Variants in NELL2 observed in about 807,000 individuals in gnomAD.
The protein encoded by NELL2 is neural EGFL like 2.
A neutral mutation model predicts 109.6 loss-of-function variants in NELL2; 41 were observed. That is an observed-to-expected ratio of 0.37 (90% CI 0.29 to 0.49). The LOEUF is 0.49. Among genes scored for constraint, NELL2 ranks in the 20% least tolerant of loss-of-function variants. NELL2 has a pLI of 0.98. For missense variants in NELL2, 900 were observed against 1,008.3 expected (o/e 0.89, Z 1.45); for synonymous variants, 355 against 344.7 (o/e 1.03, Z -0.33).
chr12:44,897,388 A>C (rs1945605041), intron 1 of NELL2, among the ~76,000 whole-genome samples: 1 of 152,152 alleles, frequency 6.6e-6, no homozygotes. Flanking sequence ...CACAGAAGGC[A>C]GGTGATACCT....
rs893267679 is a variant in NELL2 at position 44,846,535 on chromosome 12, T to C, written c.184+28690A>G. Among the ~76,000 whole-genome samples, 6 of 152,198 alleles carry C rather than the reference T, an allele frequency of 3.9e-5. No homozygotes were observed. In the South Asian group the frequency reaches 1.2e-3, roughly 32 times the overall value. ...TCAATAATGTTGCTACTGCACCCTA[T>C]TGCATTTTAAGTGGCTGCAGTAGTG... On this transcript the variant is annotated intron_variant, in intron 2 of 19. Transcript: ENST00000429094.
At chr12:44,733,717 C>T (rs948256527) in intron 9 of NELL2, among the ~76,000 whole-genome samples, 4 of 149,554 alleles carry the variant, frequency 2.7e-5, no homozygotes, top group Admixed American at 2.7e-4. Context: ...TGTTTTTTAT[C>T]CAAAAATAAA....
chr12:44,875,763 C>T, intron 1 of NELL2, 52 bp downstream of exon 1: 1 of 1,611,930 alleles, frequency 6.2e-7, no homozygotes, highest in East Asian at 2.2e-5. Context: ...GCCCATGCTG[C>T]CCCGAGGCGG....
At chr12:44,916,239 A>G (rs1220259611), upstream of NELL2, among the ~76,000 whole-genome samples, 2 of 152,204 alleles carry the variant, frequency 1.3e-5, no homozygotes, top group African/African-American at 4.8e-5. Context: ...GAACATGAAG[A>G]AGCTGAGAAA....
chr12:44,823,471 A>G (rs1050113305), intron 2 of NELL2, among the ~76,000 whole-genome samples: 2 of 151,796 alleles, frequency 1.3e-5, no homozygotes, highest in Non-Finnish European at 2.9e-5. Flanking sequence ...AATTCCACGT[A>G]CAATGAGATC....
At chr12:44,718,171 G>A (rs1029211935) in intron 9 of NELL2, among the ~76,000 whole-genome samples, 1 of 152,114 alleles carries the variant, frequency 6.6e-6, no homozygotes, top group Non-Finnish European at 1.5e-5. Context: ...CTGAGCTCTG[G>A]GAAAATCAAG....
intron 15 of NELL2, among the ~76,000 whole-genome samples, chr12:44,562,964 T>C (rs1008753707): frequency 7.2e-5 from 11 of 152,168 alleles, no homozygotes; most frequent in Non-Finnish European, 1.6e-4. Flanking sequence ...GGCACATATA[T>C]ACCACTGAAT....
At chr12:44,533,456 GA>G (rs896452786) in intron 15 of NELL2, among the ~76,000 whole-genome samples, 32 of 149,048 alleles carry the variant, frequency 2.1e-4, no homozygotes, top group Admixed American at 7.4e-4. Flanking sequence ...TTGAACATGT[GA>G]AAAAAAAAAT....
chr12:44,634,379 G>A (rs946645282), intron 13 of NELL2, among the ~76,000 whole-genome samples: 1 of 149,292 alleles, frequency 6.7e-6, no homozygotes, highest in Non-Finnish European at 1.5e-5. Context: ...GTGTCCATGT[G>A]TGCTCATTGT....
At chr12:44,588,699 T>C (rs1944635871) in intron 15 of NELL2, among the ~76,000 whole-genome samples, 1 of 152,248 alleles carries the variant, frequency 6.6e-6, no homozygotes, top group African/African-American at 2.4e-5. Flanking sequence ...ATGTTCCATA[T>C]TTTAACCATA....
chr12:44,878,521 T>C (rs1945375090), upstream of NELL2, among the ~76,000 whole-genome samples: 1 of 152,174 alleles, frequency 6.6e-6, no homozygotes, highest in Admixed American at 6.5e-5. Flanking sequence ...CCTTGTAGGA[T>C]GTTAGTTGAA....
rs1447530484 is a variant in NELL2 at position 44,539,738 on chromosome 12, GT to G, written c.1664-7018del. Among the ~76,000 whole-genome samples, 4 of 152,126 alleles carry G rather than the reference GT, an allele frequency of 2.6e-5. No individual in the cohort carries two copies. The South Asian group carries it at 8.3e-4, about 32-fold the overall frequency. On this transcript the variant is annotated intron_variant, in intron 15 of 19. Transcript: ENST00000429094. ...TAGTTTTTATAAATATTAATTTAAT[GT>G]TTATCTCTAAGAGTAAATTTCAAAT...
intron 19 of NELL2, among the ~76,000 whole-genome samples, chr12:44,511,566 G>T (rs1449493987): frequency 6.6e-6 from 1 of 152,092 alleles, no homozygotes; most frequent in Non-Finnish European, 1.5e-5. Context: ...GAAATTGAGG[G>T]GGAAATATCT....
chr12:44,794,579 T>A (rs1942552320), intron 3 of NELL2, among the ~76,000 whole-genome samples: 1 of 152,176 alleles, frequency 6.6e-6, no homozygotes, highest in Admixed American at 6.6e-5. Context: ...CTTCTCGTTA[T>A]TTCCTAGCTC....
At chr12:44,683,668 T>C (rs1948608902) in intron 12 of NELL2, among the ~76,000 whole-genome samples, 1 of 152,140 alleles carries the variant, frequency 6.6e-6, no homozygotes, top group African/African-American at 2.4e-5. Context: ...TCTGCATCTA[T>C]TGAGATAATC....
intron 13 of NELL2, among the ~76,000 whole-genome samples, chr12:44,643,377 T>C (rs1021080823): frequency 6.6e-6 from 1 of 152,116 alleles, no homozygotes; most frequent in African/African-American, 2.4e-5. Context: ...CATTTTTAGA[T>C]TAAAAAACAT....
At chr12:44,700,620 T>C (rs1949201352) in intron 12 of NELL2, among the ~76,000 whole-genome samples, 1 of 152,116 alleles carries the variant, frequency 6.6e-6, no homozygotes, top group Non-Finnish European at 1.5e-5. Context: ...TTACTTACCC[T>C]TCAGATTCCA....
intron 13 of NELL2, among the ~76,000 whole-genome samples, chr12:44,647,490 A>C (rs1204567705): frequency 6.6e-6 from 1 of 152,140 alleles, no homozygotes; most frequent in African/African-American, 2.4e-5. Flanking sequence ...CATATAATTT[A>C]ATAGGGGAAG....
At chr12:44,649,104 C>A (rs1443579872) in intron 13 of NELL2, among the ~76,000 whole-genome samples, 1 of 151,982 alleles carries the variant, frequency 6.6e-6, no homozygotes, top group Non-Finnish European at 1.5e-5. Context: ...TTTGAACATT[C>A]TTTGATGTAT....
Sources: allele counts gnomAD v4.1 joint callset (sites outside exome capture counted in the v4.1 genomes callset), GRCh38; gene constraint gnomAD v4.1.1; transcripts MANE v1.5; gene names NCBI Gene and HGNC (gene_info 2026-07-23, HGNC 2026-07-21).